The following STON2 variants were observed in gnomAD, a reference collection of about 807,000 sequenced individuals.
STON2 encodes stonin 2, also known as stonin-2.
Under a neutral mutation model 65.7 loss-of-function variants are expected in STON2, and 29 were observed. The observed-to-expected ratio is 0.44, with a 90% CI of 0.33 to 0.60. STON2 has a LOEUF of 0.60. Ranked by LOEUF, STON2 falls within the 20% of genes least tolerant of loss-of-function variation. The pLI is 0.03. For synonymous variants in STON2, 404 were observed against 414.2 expected, an observed-to-expected ratio of 0.98 and a Z score of 0.30; for missense variants, 1,054 against 1,118.1, an observed-to-expected ratio of 0.94 and a Z score of 0.82.
intron 5 of STON2, among the ~76,000 whole-genome samples, chr14:81,302,706 A>G: frequency 6.6e-6 from 1 of 152,264 alleles, no homozygotes; most frequent in East Asian, 1.9e-4. Context: ...CAAGGAATAC[A>G]GCATGTCAAG....
At chr14:81,402,889 C>T (rs1222561487), upstream of STON2, among the ~76,000 whole-genome samples, 2 of 152,214 alleles carry the variant, frequency 1.3e-5, no homozygotes, top group South Asian at 4.1e-4. Context: ...CTGCTTACAG[C>T]TCCTCAAAGT....
intron 1 of STON2, among the ~76,000 whole-genome samples, chr14:81,429,934 CAAA>C (rs371030408): frequency 2.3e-5 from 3 of 128,848 alleles, no homozygotes; most frequent in Non-Finnish European, 1.7e-5. Context: ...GACTCTGTCT[CAAA>C]AAAAAAAAAA....
intron 7 of STON2, 22 bp downstream of exon 7, chr14:81,270,648 G>A (rs1894539579): frequency 6.2e-7 from 1 of 1,614,096 alleles, no homozygotes; most frequent in Non-Finnish European, 8.5e-7. Flanking sequence ...GGAAGCATTA[G>A]CCAGATGCTT....
At position 81,371,181 on chromosome 14, in the gene STON2, T is replaced by C; in HGVS notation, c.378A>G (p.Leu126=). 6.2e-7 allele frequency: 1 copy of C among 1,614,066 alleles called. No individual in the cohort carries two copies. Among genetic ancestry groups the C allele is most frequent in the Non-Finnish European group, 8.5e-7 (1 of 1,179,974 alleles). ...ATGTCCAGCAGGGCATGGTCAATGG[T>C]AGGGCTGGGGAGAGACCAAAAACCA... ...PPHQETAETA[L]PLTMPCWTCP... Residue 126 remains leucine, a synonymous_variant, in exon 4 of 8, where the codon CTA becomes CTG. Coordinates refer to ENST00000614646, the MANE Select transcript of STON2 (RefSeq NM_001394390.1).
Position 81,265,898 on chromosome 14 carries a change from G to A in STON2, c.*2516C>T, listed in dbSNP as rs1423753348. On this transcript the variant is annotated 3_prime_UTR_variant, in exon 8 of 8. Transcript: ENST00000614646. ...TCTTGACAGAGTGCTAAGCGTGAGT[G>A]ACTAAGGAAGGTGCTGGGATGAGCT... 2.4e-5 allele frequency: 24 copies of A among 985,174 alleles called. No individual in the cohort carries two copies. In the South Asian group the frequency reaches 3.3e-4, roughly 14 times the overall value. 61.0% of individuals were successfully genotyped at this position (985,174 alleles called of 1,614,324 possible). A position where few individuals can be genotyped will look rare whatever the true frequency, so the allele number is the denominator to read the frequency against.
Position 81,267,330 on chromosome 14 carries a change from AATCCAATCC to A in STON2, c.*1075_*1083del, listed in dbSNP as rs1894395491. 22 of 985,392 alleles carry A rather than the reference AATCCAATCC, an allele frequency of 2.2e-5. No individual in the cohort carries two copies. In the South Asian group the frequency reaches 7.5e-4, roughly 34 times the overall value. 61.0% of individuals were successfully genotyped at this position (985,392 alleles called of 1,614,324 possible). On this transcript the variant is annotated 3_prime_UTR_variant, in exon 8 of 8. Transcript: ENST00000614646. ...GTCTCTACCCTAGAGATGCCTTTTC[AATCCAATCC>A]AATACTGTGATTATCAAACTCTGAA...
At chr14:81,407,549 T>C (rs1900928317) in intron 2 of STON2, among the ~76,000 whole-genome samples, 1 of 152,218 alleles carries the variant, frequency 6.6e-6, no homozygotes, top group African/African-American at 2.4e-5. Flanking sequence ...GTAGCGTCTA[T>C]GAAAATCGCC....
Position 81,346,909 on chromosome 14 carries a change from G to A in STON2, c.572-22722C>T, listed in dbSNP as rs370424433. 1.3e-4 allele frequency among the ~76,000 whole-genome samples: 20 copies of A among 152,116 alleles called. No homozygotes were observed. The East Asian group carries it at 3.1e-3, about 24-fold the overall frequency. Reference sequence around the variant, plus strand: ...GAAACACAACACACTAAACTCTATGGGCTAAAAGCAGGGCTAAGAGGGAAA... The same window carrying A: ...GAAACACAACACACTAAACTCTATGAGCTAAAAGCAGGGCTAAGAGGGAAA... On this transcript the variant is annotated intron_variant, in intron 4 of 7. Coordinates refer to ENST00000614646, the MANE Select transcript of STON2 (RefSeq NM_001394390.1).
chr14:81,388,018 T>C, intron 3 of STON2, among the ~76,000 whole-genome samples: 1 of 145,440 alleles, frequency 6.9e-6, no homozygotes, highest in Non-Finnish European at 1.5e-5. Context: ...GGCACAATCT[T>C]GGCTCACTGC....
intron 2 of STON2, among the ~76,000 whole-genome samples, chr14:81,397,565 C>T (rs559758509): frequency 4.6e-5 from 7 of 152,178 alleles, no homozygotes; most frequent in Non-Finnish European, 1.0e-4. Context: ...CCTGTCGACT[C>T]ACACTTTCTA....
At chr14:81,316,791 C>T (rs1407992040) in intron 5 of STON2, among the ~76,000 whole-genome samples, 2 of 152,100 alleles carry the variant, frequency 1.3e-5, no homozygotes, top group African/African-American at 2.4e-5. Flanking sequence ...GAGGCCAAGG[C>T]GGGTGGATCA....
chr14:81,288,995 G>T (rs1470202922), intron 5 of STON2, among the ~76,000 whole-genome samples: 3 of 150,236 alleles, frequency 2.0e-5, no homozygotes, highest in African/African-American at 5.0e-5. Context: ...CATTAGGACT[G>T]CCCTCTGCCA....
At chr14:81,390,410 T>C (rs1847212797) in intron 3 of STON2, among the ~76,000 whole-genome samples, 1 of 152,060 alleles carries the variant, frequency 6.6e-6, no homozygotes, top group Admixed American at 6.6e-5. Context: ...GCTTAGTAAA[T>C]ATCTGGTGAC....
At chr14:81,299,421 T>C (rs1223688312) in intron 5 of STON2, among the ~76,000 whole-genome samples, 1 of 152,198 alleles carries the variant, frequency 6.6e-6, no homozygotes, top group Non-Finnish European at 1.5e-5. Context: ...AATGGTGAAA[T>C]ATTGAAAGTG....
chr14:81,340,720 C>T (rs1897575996), intron 4 of STON2, among the ~76,000 whole-genome samples: 1 of 152,064 alleles, frequency 6.6e-6, no homozygotes. Flanking sequence ...TGGAGCACTG[C>T]ACACAGACAC....
chr14:81,412,235 C>T (rs1901199991), intron 2 of STON2, among the ~76,000 whole-genome samples: 2 of 139,270 alleles, frequency 1.4e-5, no homozygotes, highest in Non-Finnish European at 3.0e-5. Context: ...CGAAACTCAG[C>T]AAAGAAGAGA....
chr14:81,316,238 G>A (rs1896613476), intron 5 of STON2, among the ~76,000 whole-genome samples: 1 of 152,166 alleles, frequency 6.6e-6, no homozygotes, highest in South Asian at 2.1e-4. Flanking sequence ...TGTAAAAGCA[G>A]CACAGTCACA....
Position 81,266,406 on chromosome 14 carries a change from T to C in STON2, c.*2008A>G, listed in dbSNP as rs762416263. On this transcript the variant is annotated 3_prime_UTR_variant, in exon 8 of 8. Coordinates refer to ENST00000614646, the MANE Select transcript of STON2 (RefSeq NM_001394390.1). The stretch of plus-strand genomic sequence containing the variant: ...TAAATCTAATTCCTCTTCCTTTTCA[T>C]AGCTCAATAGAAATTTCTAGGCAGC... 1.3e-5 allele frequency among the ~76,000 whole-genome samples: 2 copies of C among 152,230 alleles called. No individual in the cohort carries two copies. Among genetic ancestry groups the C allele is most frequent in the Non-Finnish European group, 2.9e-5 (2 of 68,040 alleles).
intron 4 of STON2, among the ~76,000 whole-genome samples, chr14:81,369,425 A>G (rs1302234812): frequency 6.6e-6 from 1 of 152,180 alleles, no homozygotes; most frequent in African/African-American, 2.4e-5. Flanking sequence ...CTTTCATCTA[A>G]TAAGAAAGTA....
Sources: allele counts gnomAD v4.1 joint callset (sites outside exome capture counted in the v4.1 genomes callset), GRCh38; gene constraint gnomAD v4.1.1; transcripts MANE v1.5; gene names NCBI Gene and HGNC (gene_info 2026-07-23, HGNC 2026-07-21).